DMD: variants seen among roughly 807,000 people sequenced by gnomAD.
DMD encodes dystrophin, also known as mutant dystrophin.
A neutral mutation model predicts 330.1 loss-of-function variants in DMD; 63 were observed. The observed-to-expected ratio is 0.19, with a 90% CI of 0.16 to 0.24. The LOEUF (loss-of-function observed/expected upper bound fraction) is 0.24. Ranked by LOEUF, DMD falls within the 10% of genes least tolerant of loss-of-function variation. The probability of loss-of-function intolerance (pLI) is 1.00; values close to 1 mark genes in which losing one functional copy is unlikely to be tolerated. For synonymous variants in DMD, 1,223 were observed against 959.8 expected (o/e 1.27, Z -5.07); for missense variants, 3,344 against 2,684.1 (o/e 1.25, Z -5.43).
chrX:32,300,075 C>G (rs1272319366), intron 42 of DMD, among the ~76,000 whole-genome samples: 2 of 111,632 alleles, frequency 1.8e-5, no homozygotes, highest in Non-Finnish European at 3.8e-5. Context: ...AGGATTATTC[C>G]TTAATATTTC....
intron 44 of DMD, among the ~76,000 whole-genome samples, chrX:32,174,247 G>A (rs1235178893): frequency 8.9e-6 from 1 of 112,286 alleles, no homozygotes; most frequent in African/African-American, 3.2e-5. Flanking sequence ...TTTCTAACAA[G>A]TATAATTACA....
chrX:31,328,409 A>G (rs1389661016), intron 61 of DMD, among the ~76,000 whole-genome samples: 1 of 111,661 alleles, frequency 9.0e-6, no homozygotes, highest in African/African-American at 3.3e-5. Context: ...AAAGCAAGTT[A>G]GATATACTGC....
In DMD at chrX:32,644,255, C is replaced by T; in HGVS notation, c.1208G>A (p.Gly403Glu). Reference sequence around the variant, plus strand: ...TTTTCCTGTTCCAATCAGCTTACTTCCCAATTGTAGAATATTACCAACCCG... The same window carrying T: ...TTTTCCTGTTCCAATCAGCTTACTTTCCAATTGTAGAATATTACCAACCCG... ...QGRVGNILQL[G>E]SKLIGTGKLS... The change falls in exon 11 of 79, where the codon GGA becomes GAA. Residue 403 changes from glycine (G) to glutamate (E), a missense_variant. Coordinates refer to ENST00000357033, the MANE Select transcript of DMD (RefSeq NM_004006.3). 1.7e-6 allele frequency: 2 copies of T among 1,211,188 alleles called. No individual in the cohort carries two copies. The highest frequency in any genetic ancestry group is 5.9e-5 in the East Asian group (2 of 33,819).
At chrX:32,597,621 G>GA (rs199984922) in intron 12 of DMD, among the ~76,000 whole-genome samples, 1,255 of 111,747 alleles carry the variant, frequency 0.011, 23 homozygotes, top group African/African-American at 0.039. Context: ...ATGTGGCTCT[G>GA]AAAAAATCAT....
chrX:32,545,010 T>G, intron 17 of DMD, 149 bp downstream of exon 17: 1 of 521,446 alleles, frequency 1.9e-6, no homozygotes, highest in Non-Finnish European at 3.2e-6. Flanking sequence ...TTTTAAAATG[T>G]ACTTCATAAT....
intron 50 of DMD, among the ~76,000 whole-genome samples, chrX:31,818,445 C>T (rs995798441): frequency 9.0e-5 from 10 of 111,060 alleles, no homozygotes; most frequent in African/African-American, 2.9e-4. Flanking sequence ...TGGATTTCGG[C>T]GCCCTGGTTT....
intron 50 of DMD, among the ~76,000 whole-genome samples, chrX:31,799,668 C>T (rs2091975040): frequency 9.0e-6 from 1 of 111,692 alleles, no homozygotes; most frequent in Non-Finnish European, 1.9e-5. Context: ...CACCCAAAGT[C>T]TTAACTCATT....
At chrX:31,495,915 C>G (rs899838952) in intron 57 of DMD, among the ~76,000 whole-genome samples, 1 of 112,089 alleles carries the variant, frequency 8.9e-6, no homozygotes, top group Non-Finnish European at 1.9e-5. Flanking sequence ...AACTATAGAA[C>G]TGCACTGTTC....
chrX:31,471,117 C>G (rs1264368407), intron 59 of DMD, among the ~76,000 whole-genome samples: 1 of 111,290 alleles, frequency 9.0e-6, no homozygotes, highest in Non-Finnish European at 1.9e-5. Flanking sequence ...TGAGCTAGAC[C>G]ACTTGGCTCC....
At chrX:33,248,510 T>C (rs1246403853) in intron 1 of DMD, among the ~76,000 whole-genome samples, 1 of 112,207 alleles carries the variant, frequency 8.9e-6, no homozygotes, top group Non-Finnish European at 1.9e-5. Flanking sequence ...TTCACCCATT[T>C]TTATTCTCAC....
chrX:31,519,238 G>A (rs1407013729), intron 55 of DMD, among the ~76,000 whole-genome samples: 2 of 111,769 alleles, frequency 1.8e-5, no homozygotes, highest in Non-Finnish European at 3.8e-5. Flanking sequence ...AGAGTTAAAA[G>A]CTCGAAAAGC....
chrX:31,467,362 T>C (rs922365348), intron 59 of DMD, among the ~76,000 whole-genome samples: 25 of 110,978 alleles, frequency 2.3e-4, no homozygotes, highest in Non-Finnish European at 2.6e-4. Context: ...TTATTGAGAG[T>C]TTTTAGCATG....
chrX:31,961,692 A>G (rs953223607), intron 45 of DMD, among the ~76,000 whole-genome samples: 4 of 107,454 alleles, frequency 3.7e-5, no homozygotes, highest in Non-Finnish European at 7.7e-5. Context: ...GATGTGTAAG[A>G]TTTTGGGAAA....
intron 5 of DMD, among the ~76,000 whole-genome samples, chrX:32,816,916 T>A (rs1024150195): frequency 8.9e-6 from 1 of 112,273 alleles, no homozygotes; most frequent in Non-Finnish European, 1.9e-5. Flanking sequence ...TTTATAGAAT[T>A]GCTCACCTTC....
At chrX:31,212,221 G>T (rs1480287938) in intron 64 of DMD, among the ~76,000 whole-genome samples, 1 of 104,738 alleles carries the variant, frequency 9.5e-6, no homozygotes, top group African/African-American at 3.5e-5. Flanking sequence ...TTCACTAGTA[G>T]ATATATCTTT....
chrX:32,561,503 G>A (rs181390764), intron 16 of DMD, among the ~76,000 whole-genome samples: 3 of 111,769 alleles, frequency 2.7e-5, no homozygotes, highest in Non-Finnish European at 5.6e-5. Context: ...GACAAATGTG[G>A]GATTATGTAA....
At chrX:31,260,431 G>T (rs1212290267) in intron 63 of DMD, among the ~76,000 whole-genome samples, 1 of 111,943 alleles carries the variant, frequency 8.9e-6, no homozygotes, top group Non-Finnish European at 1.9e-5. Context: ...AAACAGAACT[G>T]TCAGGCTCTT....
intron 68 of DMD, among the ~76,000 whole-genome samples, chrX:31,182,100 G>A (rs2041219494): frequency 1.8e-5 from 2 of 112,389 alleles, no homozygotes; most frequent in African/African-American, 6.5e-5. Flanking sequence ...ACTTCTAAAT[G>A]TATAAGGACT....
At position 31,320,641 on chromosome X, in the gene DMD, T is replaced by C. The variant is rs779780697; in HGVS notation, c.9224+2957A>G. 3.6e-5 allele frequency among the ~76,000 whole-genome samples: 4 copies of C among 112,188 alleles called. No individual in the cohort carries two copies. In the South Asian group the frequency reaches 1.1e-3, roughly 31 times the overall value. ...GTACATCAAATTAATTTGGTTTCCA[T>C]AGAACATTTTAGATAATAGTAATGG... is the stretch of plus-strand genomic sequence containing the variant. On this transcript the variant is annotated intron_variant, in intron 62 of 78. Coordinates refer to ENST00000357033, the MANE Select transcript of DMD (RefSeq NM_004006.3).
Sources: allele counts gnomAD v4.1 joint callset (sites outside exome capture counted in the v4.1 genomes callset), GRCh38; gene constraint gnomAD v4.1.1; transcripts MANE v1.5; gene names NCBI Gene and HGNC (gene_info 2026-07-23, HGNC 2026-07-21).